TAS2R1: variants seen among roughly 807,000 people sequenced by gnomAD.
TAS2R1 encodes the protein taste receptor type 2 member 1.
For missense variants in TAS2R1, 370 were observed against 353.4 expected (o/e 1.05, Z -0.38); for synonymous variants, 141 against 134.2 (o/e 1.05, Z -0.35).
chr5:9,861,875 C>A, the TAS2R1 span, among the ~76,000 whole-genome samples: 1 of 152,216 alleles, frequency 6.6e-6, no homozygotes, highest in African/African-American at 2.4e-5. Context: ...GGTCACATTC[C>A]AGGGCAGCCA....
At chr5:9,816,971 T>A in the TAS2R1 span, among the ~76,000 whole-genome samples, 1 of 152,244 alleles carries the variant, frequency 6.6e-6, no homozygotes, top group East Asian at 1.9e-4. Context: ...GCAAATTTTC[T>A]ACAATATATA....
intron 2 of TAS2R1, among the ~76,000 whole-genome samples, chr5:9,653,282 G>C (rs1030400037): frequency 6.6e-6 from 1 of 152,082 alleles, no homozygotes; most frequent in Non-Finnish European, 1.5e-5. Flanking sequence ...TATCACCCAC[G>C]TTGTAGCATA....
At chr5:9,726,829 C>T in the TAS2R1 span, among the ~76,000 whole-genome samples, 1 of 152,194 alleles carries the variant, frequency 6.6e-6, no homozygotes, top group African/African-American at 2.4e-5. Context: ...AAGCTGAACA[C>T]GAAAGCTTCA....
At chr5:9,873,992 GAGGA>G in the TAS2R1 span, among the ~76,000 whole-genome samples, 47 of 146,028 alleles carry the variant, frequency 3.2e-4, no homozygotes, top group South Asian at 3.1e-3. Context: ...AAAAGAGAGA[GAGGA>G]AGGAAGAAAG....
the TAS2R1 span, among the ~76,000 whole-genome samples, chr5:9,814,463 G>A: frequency 3.9e-5 from 6 of 152,100 alleles, no homozygotes; most frequent in Admixed American, 1.3e-4. Context: ...CGATTCCACT[G>A]TTCTCGAGCC....
intron 1 of TAS2R1, among the ~76,000 whole-genome samples, chr5:9,695,728 T>C (rs971340925): frequency 6.6e-6 from 1 of 152,030 alleles, no homozygotes; most frequent in Non-Finnish European, 1.5e-5. Flanking sequence ...GGGGACGTCA[T>C]CTTGAGACCT....
At chr5:9,811,195 A>C in the TAS2R1 span, among the ~76,000 whole-genome samples, 1 of 152,322 alleles carries the variant, frequency 6.6e-6, no homozygotes, top group East Asian at 1.9e-4. Flanking sequence ...GCGAGGATGC[A>C]GCAAGAAGAA....
At chr5:9,862,386 G>C in the TAS2R1 span, among the ~76,000 whole-genome samples, 7 of 152,110 alleles carry the variant, frequency 4.6e-5, no homozygotes, top group Non-Finnish European at 8.8e-5. Context: ...TGGGCAACCT[G>C]TTCTGACAGC....
At chr5:9,870,563 A>G in the TAS2R1 span, among the ~76,000 whole-genome samples, 1 of 152,218 alleles carries the variant, frequency 6.6e-6, no homozygotes. Flanking sequence ...ACATTAGGCT[A>G]GACACTGGGG....
chr5:9,832,472 A>G, the TAS2R1 span, among the ~76,000 whole-genome samples: 1 of 152,206 alleles, frequency 6.6e-6, no homozygotes, highest in Non-Finnish European at 1.5e-5. Flanking sequence ...CCTTTCCGCC[A>G]TCTTCTGCTC....
chr5:9,862,703 C>A, the TAS2R1 span, among the ~76,000 whole-genome samples: 1 of 152,052 alleles, frequency 6.6e-6, no homozygotes, highest in Admixed American at 6.6e-5. Flanking sequence ...CATCTCTTGC[C>A]CCCTGGGCTC....
At chr5:9,727,985 G>A in the TAS2R1 span, among the ~76,000 whole-genome samples, 19 of 152,152 alleles carry the variant, frequency 1.2e-4, no homozygotes, top group Admixed American at 6.5e-5. Flanking sequence ...ACAGAAATGG[G>A]GAACAATGGA....
intron 1 of TAS2R1, among the ~76,000 whole-genome samples, chr5:9,710,621 T>C (rs1435992600): frequency 6.6e-6 from 1 of 152,054 alleles, no homozygotes; most frequent in African/African-American, 2.4e-5. Flanking sequence ...TTGCAAATCA[T>C]ACATCTGATA....
At chr5:9,860,967 CTT>C in the TAS2R1 span, among the ~76,000 whole-genome samples, 1 of 136,152 alleles carries the variant, frequency 7.3e-6, no homozygotes. Flanking sequence ...AAGTAAGGGC[CTT>C]TTTTTTTTGC....
chr5:9,896,709 G>T, the TAS2R1 span, among the ~76,000 whole-genome samples: 2 of 152,224 alleles, frequency 1.3e-5, no homozygotes, highest in Non-Finnish European at 2.9e-5. Context: ...GTTTGGCAAT[G>T]TTGTTTAGGT....
At chr5:9,757,087 C>T in the TAS2R1 span, among the ~76,000 whole-genome samples, 156 of 152,174 alleles carry the variant, frequency 1.0e-3, no homozygotes, top group African/African-American at 3.2e-3. Context: ...ATTCTGTAAA[C>T]GAAGGCATTA....
chr5:9,744,408 T>C, the TAS2R1 span, among the ~76,000 whole-genome samples: 7 of 152,174 alleles, frequency 4.6e-5, no homozygotes, highest in East Asian at 1.9e-4. Flanking sequence ...TGGAAAAATA[T>C]TGGATAAAAC....
chr5:9,654,504 T>C (rs1740370838), intron 2 of TAS2R1, among the ~76,000 whole-genome samples: 1 of 151,936 alleles, frequency 6.6e-6, no homozygotes. Flanking sequence ...TGACTTTCAC[T>C]GTCAGACACC....
the TAS2R1 span, among the ~76,000 whole-genome samples, chr5:9,833,986 A>G: frequency 0.35 from 52,485 of 152,112 alleles, 9,269 homozygotes; most frequent in South Asian, 0.39. Context: ...CATTGTAAGC[A>G]GGCGATTCCT....
Sources: allele counts gnomAD v4.1 joint callset (sites outside exome capture counted in the v4.1 genomes callset), GRCh38; gene constraint gnomAD v4.1.1; transcripts MANE v1.5; gene names NCBI Gene and HGNC (gene_info 2026-07-23, HGNC 2026-07-21).